The following NOL4L variants were observed in gnomAD, a reference collection of about 807,000 sequenced individuals.
NOL4L encodes nucleolar protein 4-like.
Under a neutral mutation model 64.5 loss-of-function variants are expected in NOL4L, and 7 were observed. The ratio of observed to expected loss-of-function variants is 0.11; its 90% CI spans 0.06 to 0.20. NOL4L has a LOEUF of 0.20. Among genes scored for constraint, NOL4L ranks in the 10% least tolerant of loss-of-function variants. The pLI, the probability that NOL4L is intolerant of heterozygous loss-of-function variation, is 1.00. For missense variants in NOL4L, 680 were observed against 967.1 expected, an observed-to-expected ratio of 0.70 and a Z score of 3.94; for synonymous variants, 413 against 401.0, an observed-to-expected ratio of 1.03 and a Z score of -0.36.
intron 1 of NOL4L, among the ~76,000 whole-genome samples, chr20:32,580,706 T>A (rs1307447268): frequency 6.6e-6 from 1 of 152,158 alleles, no homozygotes; most frequent in African/African-American, 2.4e-5. Flanking sequence ...CCTGTTCCAG[T>A]CCTGGCTCTC....
At position 32,574,747 on chromosome 20, in the gene NOL4L, G is replaced by A. The variant is rs540079418; in HGVS notation, c.321+9823C>T. ...GGGCTCCAAGCTGGAGAGGGGGCCC[G>A]GGTAACACGATGACTCCCGCGCTGG... is the stretch of plus-strand genomic sequence containing the variant. On this transcript the variant is annotated intron_variant, in intron 1 of 10. Coordinates refer to ENST00000621426, the MANE Select transcript of NOL4L (RefSeq NM_001256798.2). 6.6e-5 allele frequency among the ~76,000 whole-genome samples: 10 copies of A among 152,154 alleles called. No individual in the cohort carries two copies. The South Asian group carries it at 1.5e-3, about 22-fold the overall frequency.
intron 4 of NOL4L, among the ~76,000 whole-genome samples, chr20:32,489,222 T>G (rs2016355780): frequency 6.6e-6 from 1 of 151,948 alleles, no homozygotes; most frequent in Non-Finnish European, 1.5e-5. Flanking sequence ...TATTTTCTTC[T>G]GGAAACTTTA....
intron 10 of NOL4L, chr20:32,450,101 G>C (rs898480897): frequency 6.6e-6 from 1 of 152,306 alleles, no homozygotes; most frequent in African/African-American, 2.4e-5. Context: ...TGGGTAGAGG[G>C]ATAGGAGTGA....
intron 4 of NOL4L, among the ~76,000 whole-genome samples, chr20:32,476,838 G>A (rs1291085173): frequency 6.6e-6 from 1 of 152,250 alleles, no homozygotes; most frequent in Non-Finnish European, 1.5e-5. Context: ...GGGCAGCCCA[G>A]AAAAACCCCA....
chr20:32,568,009 C>T (rs1979536388), intron 1 of NOL4L, among the ~76,000 whole-genome samples: 2 of 151,690 alleles, frequency 1.3e-5, no homozygotes, highest in Non-Finnish European at 2.9e-5. Flanking sequence ...TATTCATCAC[C>T]ATCATCATCA....
chr20:32,514,083 C>T (rs1336190770), intron 3 of NOL4L, among the ~76,000 whole-genome samples: 1 of 152,178 alleles, frequency 6.6e-6, no homozygotes, highest in Non-Finnish European at 1.5e-5. Flanking sequence ...CTTCTGGTGA[C>T]TTTATAGATC....
chr20:32,573,018 G>T (rs754848710), intron 1 of NOL4L, among the ~76,000 whole-genome samples: 1 of 151,300 alleles, frequency 6.6e-6, no homozygotes, highest in African/African-American at 2.4e-5. Flanking sequence ...TGAGAGATAG[G>T]TCATACTATC....
In NOL4L at chr20:32,494,252, G is replaced by GAAAAAAAAAAAA. The variant is rs1568654908; in HGVS notation, c.699+17094_699+17095insTTTTTTTTTTTT. On this transcript the variant is annotated intron_variant, in intron 4 of 10. Transcript: ENST00000621426. ...TGGGCCACAGAGTGAGATAATCTCGGGAAAAAAAAAAAAAAAAAAAAAAAA... is the reference window on the plus strand; with the variant it reads ...TGGGCCACAGAGTGAGATAATCTCGGAAAAAAAAAAAAGAAAAAAAAAAAAAAAAAAAAAAAA... 3.7e-4 allele frequency among the ~76,000 whole-genome samples: 10 copies of GAAAAAAAAAAAA among 27,098 alleles called. 1 individual carries two copies. Among genetic ancestry groups the GAAAAAAAAAAAA allele is most frequent in the African/African-American group, 1.5e-3 (10 of 6,486 alleles). The allele number at this position is 27,098 out of a possible 152,430, so 17.8% of individuals were successfully genotyped here. A position where few individuals can be genotyped will look rare whatever the true frequency, so the allele number is the denominator to read the frequency against.
At position 32,460,393 on chromosome 20, in the gene NOL4L, C is replaced by T. The variant is rs2013932212; in HGVS notation, c.842-3998G>A. The stretch of plus-strand genomic sequence containing the variant: ...CCCAGCTCCGCTCAGGCAGCCCCGG[C>T]ATGCCAGCCCCCACCCCACACAGCT... On this transcript the variant is annotated intron_variant, in intron 5 of 10. Coordinates refer to ENST00000621426, the MANE Select transcript of NOL4L (RefSeq NM_001256798.2). The surrounding 1 kb of genome is among the most constrained non-coding windows in gnomAD (Gnocchi z 5.7). Among the ~76,000 whole-genome samples the T allele has an allele frequency of 6.6e-6, 1 of 152,216 alleles. No homozygotes were observed. Among genetic ancestry groups the T allele is most frequent in the South Asian group, 2.1e-4 (1 of 4,834 alleles).
At chr20:32,471,729 T>C (rs751749903) in intron 5 of NOL4L, among the ~76,000 whole-genome samples, 3 of 152,004 alleles carry the variant, frequency 2.0e-5, no homozygotes, top group Non-Finnish European at 2.9e-5. Context: ...GCAGATTCCT[T>C]ATGAGTGGCT....
chr20:32,528,965 G>T (rs1169345238), intron 1 of NOL4L, among the ~76,000 whole-genome samples: 1 of 152,186 alleles, frequency 6.6e-6, no homozygotes, highest in Non-Finnish European at 1.5e-5. Flanking sequence ...TTCCCCAAAG[G>T]ACCCCAACTC....
At chr20:32,454,739 C>G (rs1308824472) in intron 6 of NOL4L, among the ~76,000 whole-genome samples, 1 of 152,256 alleles carries the variant, frequency 6.6e-6, no homozygotes, top group Non-Finnish European at 1.5e-5. Context: ...ACTGTCCCTG[C>G]CCTCAAGGAG....
chr20:32,546,661 C>T lies in NOL4L; in HGVS notation c.322-18748G>A, dbSNP rs770690081. Reference sequence around the variant, plus strand: ...CATGATCAGGCTGGTCTCAAACTCCCGAACTCAGGTGATCCACCCGGCTCA... The same window carrying T: ...CATGATCAGGCTGGTCTCAAACTCCTGAACTCAGGTGATCCACCCGGCTCA... On this transcript the variant is annotated intron_variant, in intron 1 of 10. Coordinates refer to ENST00000621426, the MANE Select transcript of NOL4L (RefSeq NM_001256798.2). 6.6e-5 allele frequency among the ~76,000 whole-genome samples: 10 copies of T among 152,128 alleles called. No individual in the cohort carries two copies. The South Asian group carries it at 2.1e-3, about 32-fold the overall frequency.
chr20:32,573,964 C>T (rs1045379981), intron 1 of NOL4L: 3 of 152,410 alleles, frequency 2.0e-5, no homozygotes, highest in Admixed American at 6.5e-5. Flanking sequence ...GGGATCTTTG[C>T]TCTGAGAGAC....
At chr20:32,548,252 C>T (rs2018756562) in intron 1 of NOL4L, among the ~76,000 whole-genome samples, 1 of 152,168 alleles carries the variant, frequency 6.6e-6, no homozygotes, top group Non-Finnish European at 1.5e-5. Context: ...TAAACCAGAC[C>T]ACATCTCACT....
In NOL4L at chr20:32,464,595, C is replaced by T. The variant is rs895285795; in HGVS notation, c.842-8200G>A. On this transcript the variant is annotated intron_variant, in intron 5 of 10. Coordinates refer to ENST00000621426, the MANE Select transcript of NOL4L (RefSeq NM_001256798.2). The surrounding 1 kb of genome is among the most constrained non-coding windows in gnomAD (Gnocchi z 5.6). ...ACAGCATGCGCCTCCTCTGCGTGTG[C>T]CCCTCAGTGCCCGGGCAGTGGGCGT... Among the ~76,000 whole-genome samples, 1 of 152,212 alleles carries T rather than the reference C, an allele frequency of 6.6e-6. No individual in the cohort carries two copies. The highest frequency in any genetic ancestry group is 2.4e-5 in the African/African-American group (1 of 41,450).
At chr20:32,531,349 GTTACTTTATTTC>G (rs1305973576) in intron 1 of NOL4L, among the ~76,000 whole-genome samples, 25 of 151,796 alleles carry the variant, frequency 1.6e-4, no homozygotes, top group African/African-American at 6.0e-4. Context: ...CCTTAGGTGG[GTTACTTTATTTC>G]TATACCTTTT....
intron 4 of NOL4L, among the ~76,000 whole-genome samples, chr20:32,488,814 T>TC (rs1568648459): frequency 1.2e-4 from 2 of 17,090 alleles, no homozygotes; most frequent in Non-Finnish European, 1.9e-4. Context: ...TTTTTCTTTC[T>TC]TTCTTTCTTT....
chr20:32,534,219 G>GA lies in NOL4L; in HGVS notation c.322-6307dup, dbSNP rs375484879. ...CAACTGGGTTTCTCCGATGGTAGAA[G>GA]AAAAAACCACAGAGAAAGGCCTTAG... On this transcript the variant is annotated intron_variant, in intron 1 of 10. Transcript: ENST00000621426. Among the ~76,000 whole-genome samples, 51 of 152,256 alleles carry GA rather than the reference G, an allele frequency of 3.3e-4. 1 individual carries two copies. In the East Asian group the frequency reaches 8.9e-3, roughly 27 times the overall value.
Sources: gnomAD v4.1 joint callset for allele counts (sites outside exome capture counted in the v4.1 genomes callset) on GRCh38, gnomAD v4.1.1 for gene constraint, Gnocchi (gnomAD v3.1) non-coding constraint, MANE v1.5 for transcripts, NCBI Gene and HGNC (gene_info 2026-07-23, HGNC 2026-07-21) for gene names.